The following CCDC88A variants were observed in gnomAD, a reference collection of about 807,000 sequenced individuals.
CCDC88A encodes the protein coiled-coil and HOOK domain protein 88A, also known as girdin.
In CCDC88A, 54 loss-of-function variants were observed where a neutral mutation model predicts 234.3. The observed-to-expected ratio is 0.23, with a 90% CI of 0.19 to 0.29. The LOEUF (loss-of-function observed/expected upper bound fraction) is 0.29. CCDC88A is among the 10% of genes least tolerant of loss of function. The probability of loss-of-function intolerance (pLI) is 1.00; values close to 1 mark genes in which losing one functional copy is unlikely to be tolerated. For missense variants in CCDC88A, 1,832 were observed against 2,123.4 expected (o/e 0.86, Z 2.70); for synonymous variants, 753 against 737.8 (o/e 1.02, Z -0.33).
At chr2:55,409,163 C>A (rs1574507179) in intron 2 of CCDC88A, among the ~76,000 whole-genome samples, 1 of 152,334 alleles carries the variant, frequency 6.6e-6, no homozygotes, top group East Asian at 1.9e-4. Context: ...AACTGACACT[C>A]TTTGTGATTT....
intron 25 of CCDC88A, chr2:55,306,250 A>T (rs1681552669): frequency 6.6e-6 from 1 of 152,138 alleles, no homozygotes; most frequent in Non-Finnish European, 1.5e-5. Context: ...GATATTTTAT[A>T]TCCAAAGATA....
At position 55,309,373 on chromosome 2, in the gene CCDC88A, T is replaced by G; in HGVS notation, c.4080-119A>C. 1 of 477,698 alleles carries G rather than the reference T, an allele frequency of 2.1e-6. No homozygotes were observed. The highest frequency in any genetic ancestry group is 4.6e-5 in the South Asian group (1 of 21,622). 29.6% of individuals were successfully genotyped at this position (477,698 alleles called of 1,614,324 possible). A position where few individuals can be genotyped will look rare whatever the true frequency, so the allele number is the denominator to read the frequency against. ...AAAACATAAAAAAATACAGATACCA[T>G]GGTTGGCAACTAAGATTTCATCAGG... On this transcript the variant is annotated intron_variant, in intron 23 of 32. Transcript: ENST00000436346. This position sits in a 1 kb window ranked among gnomAD's most constrained non-coding sequence, Gnocchi z 5.1.
At chr2:55,370,979 A>C (rs927322129) in intron 5 of CCDC88A, among the ~76,000 whole-genome samples, 12 of 151,836 alleles carry the variant, frequency 7.9e-5, no homozygotes, top group African/African-American at 2.9e-4. Flanking sequence ...ATGACACTGC[A>C]CTCCTGCCTG....
intron 2 of CCDC88A, among the ~76,000 whole-genome samples, chr2:55,390,235 T>G (rs1344244151): frequency 6.6e-6 from 1 of 152,086 alleles, no homozygotes; most frequent in Non-Finnish European, 1.5e-5. Flanking sequence ...ATTCTTATCT[T>G]TGCTTTTGCA....
intron 2 of CCDC88A, among the ~76,000 whole-genome samples, chr2:55,401,447 A>AAAAAAAAAAAT (rs1334606165): frequency 3.7e-5 from 1 of 27,158 alleles, no homozygotes. Flanking sequence ...AAAAAAAAAA[A>AAAAAAAAAAAT]ATATATATAT....
intron 2 of CCDC88A, among the ~76,000 whole-genome samples, chr2:55,402,392 C>T (rs537388746): frequency 2.2e-4 from 34 of 152,044 alleles, no homozygotes; most frequent in Non-Finnish European, 3.7e-4. Flanking sequence ...GAAATATGAC[C>T]GCACACAAGT....
At chr2:55,322,803 T>G in intron 17 of CCDC88A, 111 bp from the exon 18 acceptor site, 1 of 497,086 alleles carries the variant, frequency 2.0e-6, no homozygotes, top group African/African-American at 2.0e-5. Flanking sequence ...GGCAATTTAC[T>G]TTTAAATGTG....
rs377022377 is a variant in CCDC88A at position 55,390,053 on chromosome 2, A to AAAAG, written c.165-1168_165-1167insCTTT. Among the ~76,000 whole-genome samples, 67 of 79,774 alleles carry AAAAG rather than the reference A, an allele frequency of 8.4e-4. 10 individuals carry two copies. The highest frequency in any genetic ancestry group is 1.6e-3 in the South Asian group (4 of 2,466). The allele number at this position is 79,774 out of a possible 152,430, so 52.3% of individuals were successfully genotyped here. A position where few individuals can be genotyped will look rare whatever the true frequency, so the allele number is the denominator to read the frequency against. On this transcript the variant is annotated intron_variant, in intron 2 of 32. Transcript: ENST00000436346. ...GAGACTCAAAAAAAAAAAAAAATAA[A>AAAAG]AAATAAAGATAGAACATTTCAAAGT...
chr2:55,351,492 A>T (rs1014277627), intron 8 of CCDC88A, among the ~76,000 whole-genome samples: 1 of 152,072 alleles, frequency 6.6e-6, no homozygotes, highest in Non-Finnish European at 1.5e-5. Flanking sequence ...GACCACAGGC[A>T]CATGCCACCA....
At chr2:55,355,984 T>TATTTA (rs1553414361) in intron 7 of CCDC88A, 122 of 305,284 alleles carry the variant, frequency 4.0e-4, no homozygotes, top group Non-Finnish European at 4.7e-4. Context: ...CTTCCTAGTT[T>TATTTA]TTTATTTATT....
At chr2:55,304,184 G>A (rs1243538046) in intron 25 of CCDC88A, among the ~76,000 whole-genome samples, 2 of 151,018 alleles carry the variant, frequency 1.3e-5, no homozygotes, top group African/African-American at 2.5e-5. Flanking sequence ...TGTAGTCCTA[G>A]CTGTTCTGGA....
At chr2:55,405,129 C>G (rs1052821552) in intron 2 of CCDC88A, 3 of 152,236 alleles carry the variant, frequency 2.0e-5, no homozygotes, top group Non-Finnish European at 4.4e-5. Context: ...GGCTAGTCCC[C>G]TCACCATTTC....
chr2:55,294,541 G>A, intron 31 of CCDC88A: 1 of 979,666 alleles, frequency 1.0e-6, no homozygotes, highest in Non-Finnish European at 1.2e-6. Flanking sequence ...AATGACAAAA[G>A]AAAACAACAT....
At chr2:55,338,685 G>C (rs1184609995) in intron 13 of CCDC88A, among the ~76,000 whole-genome samples, 3 of 152,190 alleles carry the variant, frequency 2.0e-5, no homozygotes, top group African/African-American at 7.2e-5. Context: ...AGAATATTTT[G>C]TCATGGCAGA....
At chr2:55,408,452 A>G (rs1397850515) in intron 2 of CCDC88A, among the ~76,000 whole-genome samples, 1 of 152,130 alleles carries the variant, frequency 6.6e-6, no homozygotes, top group African/African-American at 2.4e-5. Flanking sequence ...TACAGGTCAT[A>G]AAGACCACGC....
chr2:55,319,096 T>C (rs1683303631), intron 18 of CCDC88A, 92 bp from the exon 19 acceptor site: 10 of 981,912 alleles, frequency 1.0e-5, no homozygotes, highest in Admixed American at 2.7e-5. Flanking sequence ...ACAATGAGTA[T>C]TTATTAGCAT....
chr2:55,331,247 C>T (rs1027315174), intron 16 of CCDC88A, among the ~76,000 whole-genome samples: 9 of 152,150 alleles, frequency 5.9e-5, no homozygotes, highest in South Asian at 2.1e-4. Flanking sequence ...AGACAGTCAA[C>T]GAAATCTGCA....
chr2:55,317,922 A>G lies in CCDC88A; in HGVS notation c.3325-81T>C. 1 of 1,028,620 alleles carries G rather than the reference A, an allele frequency of 9.7e-7. No homozygotes were observed. The highest frequency in any genetic ancestry group is 1.7e-5 in the South Asian group (1 of 59,660). 63.7% of individuals were successfully genotyped at this position (1,028,620 alleles called of 1,614,324 possible). A position where few individuals can be genotyped will look rare whatever the true frequency, so the allele number is the denominator to read the frequency against. On this transcript the variant is annotated intron_variant, in intron 19 of 32. Coordinates refer to ENST00000436346, the MANE Select transcript of CCDC88A (RefSeq NM_001365480.1). This position sits in a 1 kb window ranked among gnomAD's most constrained non-coding sequence, Gnocchi z 4.2. ...AAAATACAAGATTACAATGTTAATT[A>G]AAGAAAGCTCTAAATGAATCACAGC...
Position 55,332,505 on chromosome 2 carries a change from C to T in CCDC88A, c.2855+61G>A, listed in dbSNP as rs1685038149. On this transcript the variant is annotated intron_variant, in intron 16 of 32. Transcript: ENST00000436346. The surrounding 1 kb of genome is among the most constrained non-coding windows in gnomAD (Gnocchi z 4.5). ...TTCTATAGCTAGTACAGAAAGAATTCATGTATGAGCAAAAAAAAAAAAAAA... is the reference window on the plus strand; with the variant it reads ...TTCTATAGCTAGTACAGAAAGAATTTATGTATGAGCAAAAAAAAAAAAAAA... 1 of 1,551,770 alleles carries T rather than the reference C, an allele frequency of 6.4e-7. No individual in the cohort carries two copies. Among genetic ancestry groups the T allele is most frequent in the African/African-American group, 1.4e-5 (1 of 71,102 alleles).
Sources: gnomAD v4.1 joint callset for allele counts (sites outside exome capture counted in the v4.1 genomes callset) on GRCh38, gnomAD v4.1.1 for gene constraint, Gnocchi (gnomAD v3.1) non-coding constraint, MANE v1.5 for transcripts, NCBI Gene and HGNC (gene_info 2026-07-23, HGNC 2026-07-21) for gene names.